PPP2R3A: variants seen among roughly 807,000 people sequenced by gnomAD.
PPP2R3A encodes the protein serine/threonine-protein phosphatase 2A regulatory subunit B'' subunit alpha.
A neutral mutation model predicts 106.9 loss-of-function variants in PPP2R3A; 80 were observed. The ratio of observed to expected loss-of-function variants is 0.75; its 90% CI spans 0.62 to 0.90. The LOEUF (loss-of-function observed/expected upper bound fraction) is 0.90, where lower values mean the gene tolerates loss of function less well. Ranked by LOEUF, PPP2R3A falls within the 40% of genes least tolerant of loss-of-function variation. The pLI is 0.00. For synonymous variants in PPP2R3A, 483 were observed against 468.3 expected, an observed-to-expected ratio of 1.03 and a Z score of -0.41; for missense variants, 1,386 against 1,350.4, an observed-to-expected ratio of 1.03 and a Z score of -0.41.
chr3:136,030,441 G>A (rs1002276435), intron 3 of PPP2R3A, among the ~76,000 whole-genome samples: 1 of 151,990 alleles, frequency 6.6e-6, no homozygotes. Flanking sequence ...AACAGGTGAT[G>A]TTTGGTTACA....
rs766264607 is a variant in PPP2R3A at position 136,144,996 on chromosome 3, AC to A, written c.3330-46del. ...ATTTGCCATATTGATTTCTACCCAA[AC>A]TTTAATCAATCAATCAGTTAATTCA... is the stretch of plus-strand genomic sequence containing the variant. On this transcript the variant is annotated intron_variant, in intron 13 of 13. Coordinates refer to ENST00000264977, the MANE Select transcript of PPP2R3A (RefSeq NM_002718.5). 5.0e-6 allele frequency: 8 copies of A among 1,585,640 alleles called. No homozygotes were observed. In the South Asian group the frequency reaches 9.1e-5, roughly 18 times the overall value.
At chr3:135,972,942 C>T (rs563955124) in intron 1 of PPP2R3A, among the ~76,000 whole-genome samples, 2 of 152,152 alleles carry the variant, frequency 1.3e-5, no homozygotes, top group South Asian at 4.1e-4. Flanking sequence ...GTTTTTAATT[C>T]GTGTGAAGTT....
chr3:136,075,717 T>C (rs1380342248), intron 6 of PPP2R3A, among the ~76,000 whole-genome samples: 1 of 152,158 alleles, frequency 6.6e-6, no homozygotes, highest in African/African-American at 2.4e-5. Flanking sequence ...AGTATTTGAG[T>C]ATATAAATAT....
chr3:136,083,999 C>T (rs1175773771), intron 8 of PPP2R3A, among the ~76,000 whole-genome samples: 2 of 152,088 alleles, frequency 1.3e-5, no homozygotes, highest in African/African-American at 4.8e-5. Context: ...CCTGATAATG[C>T]AGTAGAAAAT....
At chr3:136,143,085 T>C (rs1938942488) in intron 13 of PPP2R3A, among the ~76,000 whole-genome samples, 1 of 152,226 alleles carries the variant, frequency 6.6e-6, no homozygotes, top group Non-Finnish European at 1.5e-5. Context: ...ATATTTTTAT[T>C]AAATGAACAA....
At chr3:136,093,153 A>G (rs1016462410) in intron 10 of PPP2R3A, among the ~76,000 whole-genome samples, 1 of 152,252 alleles carries the variant, frequency 6.6e-6, no homozygotes, top group African/African-American at 2.4e-5. Context: ...TCATGCCAGT[A>G]TTCCCAGTAC....
intron 1 of PPP2R3A, among the ~76,000 whole-genome samples, chr3:135,977,026 C>T (rs1448544607): frequency 6.6e-6 from 1 of 152,036 alleles, no homozygotes; most frequent in Non-Finnish European, 1.5e-5. Flanking sequence ...TTTCAAATTG[C>T]AGTAGTTTTA....
intron 6 of PPP2R3A, among the ~76,000 whole-genome samples, chr3:136,072,764 C>G (rs1365590168): frequency 1.3e-5 from 2 of 152,120 alleles, no homozygotes; most frequent in Non-Finnish European, 2.9e-5. Flanking sequence ...TTAAACTAGT[C>G]CAAACTGTTG....
intron 5 of PPP2R3A, among the ~76,000 whole-genome samples, chr3:136,054,782 A>G (rs1034387286): frequency 1.3e-5 from 2 of 152,206 alleles, no homozygotes; most frequent in Admixed American, 1.3e-4. Flanking sequence ...TAAATGGTAA[A>G]GTAACATATT....
chr3:136,129,518 ATAAT>A (rs573716465), intron 13 of PPP2R3A, among the ~76,000 whole-genome samples: 78 of 152,336 alleles, frequency 5.1e-4, no homozygotes, highest in African/African-American at 1.8e-3. Flanking sequence ...AATTGAGGCA[ATAAT>A]TAATAGCCCA....
At position 136,002,104 on chromosome 3, in the gene PPP2R3A, T is replaced by C; in HGVS notation, c.606T>C (p.Leu202=). Residue 202 remains leucine, a synonymous_variant, in exon 2 of 14, where the codon CTT becomes CTC. Transcript: ENST00000264977. ...ATACGAACCTGACTTCCATGTTTCT[T>C]CAAAACTTTTCTGAAGAAGACTTGG... The part of the protein sequence containing the change: ...SLDTNLTSMF[L]QNFSEEDLVT... The C allele has an allele frequency of 6.2e-7, 1 of 1,614,086 alleles. No individual in the cohort carries two copies. Among genetic ancestry groups the C allele is most frequent in the South Asian group, 1.1e-5 (1 of 91,068 alleles).
intron 1 of PPP2R3A, among the ~76,000 whole-genome samples, chr3:135,998,599 C>T (rs1394846393): frequency 2.0e-5 from 3 of 152,108 alleles, no homozygotes; most frequent in Non-Finnish European, 4.4e-5. Context: ...CACACACACA[C>T]ACATCTTTTG....
Position 136,146,176 on chromosome 3 carries a change from G to T in PPP2R3A, c.*1010G>T, listed in dbSNP as rs534655817. On this transcript the variant is annotated 3_prime_UTR_variant, in exon 14 of 14. Transcript: ENST00000264977. The stretch of plus-strand genomic sequence containing the variant: ...AGTATTTATCAAGGAAATGGAAAAT[G>T]ATACAGCTATAAAAGAAAGCTGTTA... 3.3e-5 allele frequency: 5 copies of T among 152,242 alleles called. No homozygotes were observed. Among genetic ancestry groups the T allele is most frequent in the East Asian group, 1.9e-4 (1 of 5,188 alleles). 9.4% of individuals were successfully genotyped at this position (152,242 alleles called of 1,614,324 possible).
chr3:136,010,543 C>T (rs980203449), intron 2 of PPP2R3A, among the ~76,000 whole-genome samples: 7 of 150,144 alleles, frequency 4.7e-5, no homozygotes, highest in Non-Finnish European at 8.9e-5. Flanking sequence ...ACTCCTGCCT[C>T]AGCCTCCCAA....
chr3:136,086,302 T>C (rs946786964), intron 8 of PPP2R3A, among the ~76,000 whole-genome samples: 2 of 151,948 alleles, frequency 1.3e-5, no homozygotes, highest in Non-Finnish European at 2.9e-5. Context: ...AACAACATGG[T>C]GAAACCCCAT....
At chr3:135,970,046 C>T (rs1937200514) in intron 1 of PPP2R3A, among the ~76,000 whole-genome samples, 3 of 152,208 alleles carry the variant, frequency 2.0e-5, no homozygotes, top group African/African-American at 7.2e-5. Context: ...ATTGGAATCA[C>T]TGAATGATTA....
intron 13 of PPP2R3A, among the ~76,000 whole-genome samples, chr3:136,129,729 G>A (rs906897505): frequency 6.6e-6 from 1 of 152,048 alleles, no homozygotes; most frequent in Non-Finnish European, 1.5e-5. Flanking sequence ...GAGAATTTCC[G>A]GCCAGTATCC....
chr3:136,047,453 T>C (rs749788866), intron 4 of PPP2R3A, among the ~76,000 whole-genome samples: 3 of 152,222 alleles, frequency 2.0e-5, no homozygotes, highest in Non-Finnish European at 2.9e-5. Flanking sequence ...CATGGACTAC[T>C]AAGCAGCCGT....
intron 1 of PPP2R3A, among the ~76,000 whole-genome samples, chr3:135,984,934 A>G (rs878948436): frequency 6.6e-6 from 1 of 151,436 alleles, no homozygotes; most frequent in Non-Finnish European, 1.5e-5. Context: ...GTGCAGAGAA[A>G]CTCCCATTTT....
Sources: allele counts gnomAD v4.1 joint callset (sites outside exome capture counted in the v4.1 genomes callset), GRCh38; gene constraint gnomAD v4.1.1; transcripts MANE v1.5; gene names NCBI Gene and HGNC (gene_info 2026-07-23, HGNC 2026-07-21).